ALG14: variants seen among roughly 807,000 people sequenced by gnomAD.
The protein encoded by ALG14 is UDP-N-acetylglucosamine transferase subunit ALG14.
A neutral mutation model predicts 22.8 loss-of-function variants in ALG14; 17 were observed. That is an observed-to-expected ratio of 0.75 (90% CI 0.51 to 1.12). The LOEUF is 1.12. ALG14 is among the 50% of genes most tolerant of loss of function. The pLI, the probability that ALG14 is intolerant of heterozygous loss-of-function variation, is 0.00. For synonymous variants in ALG14, 89 were observed against 103.7 expected (o/e 0.86, Z 0.86); for missense variants, 288 against 271.8 (o/e 1.06, Z -0.42).
rs543511791 is a variant in ALG14 at position 95,010,545 on chromosome 1, C to A, written c.420+16584G>T. Among the ~76,000 whole-genome samples the A allele has an allele frequency of 2.6e-5, 4 of 152,254 alleles. No individual in the cohort carries two copies. The East Asian group carries it at 7.7e-4, about 29-fold the overall frequency. ...GCCATCTTTATCATTGATATAGACA[C>A]AATCAAGTTGTCTATCAATGATAAA... is the stretch of plus-strand genomic sequence containing the variant. On this transcript the variant is annotated intron_variant, in intron 3 of 3. Coordinates refer to ENST00000370205, the MANE Select transcript of ALG14 (RefSeq NM_144988.4).
intron 1 of ALG14, among the ~76,000 whole-genome samples, chr1:95,066,639 A>G (rs982064091): frequency 3.3e-5 from 5 of 152,220 alleles, no homozygotes; most frequent in Admixed American, 6.5e-5. Context: ...AAAATCATAC[A>G]TTAGCTTTAT....
At chr1:94,997,697 C>T (rs1048958157) in intron 3 of ALG14, among the ~76,000 whole-genome samples, 48 of 152,156 alleles carry the variant, frequency 3.2e-4, no homozygotes, top group Non-Finnish European at 1.0e-4. Context: ...GGGGTTTTAG[C>T]GAGGATTAAG....
intron 3 of ALG14, among the ~76,000 whole-genome samples, chr1:95,002,403 C>A (rs939633946): frequency 6.2e-5 from 9 of 145,434 alleles, no homozygotes; most frequent in African/African-American, 1.8e-4. Context: ...GGAGGCTGAG[C>A]GGGTTGGGGA....
chr1:95,066,088 G>C (rs902789985), intron 1 of ALG14, among the ~76,000 whole-genome samples: 7 of 152,052 alleles, frequency 4.6e-5, no homozygotes, highest in Non-Finnish European at 1.0e-4. Context: ...CTTGCCTCTG[G>C]TCATGCTGCT....
At chr1:95,000,005 C>A (rs1309944598) in intron 3 of ALG14, among the ~76,000 whole-genome samples, 2 of 152,148 alleles carry the variant, frequency 1.3e-5, no homozygotes, top group Non-Finnish European at 1.5e-5. Context: ...TGCTACATGC[C>A]TTTTTCCTAA....
intron 1 of ALG14, among the ~76,000 whole-genome samples, chr1:95,071,037 G>A (rs546217789): frequency 2.0e-5 from 3 of 152,146 alleles, no homozygotes; most frequent in East Asian, 3.9e-4. Context: ...CATCACGCCC[G>A]GCCTAAACAC....
intron 3 of ALG14, among the ~76,000 whole-genome samples, chr1:95,020,948 A>C (rs1288050057): frequency 6.6e-6 from 1 of 152,212 alleles, no homozygotes; most frequent in Non-Finnish European, 1.5e-5. Context: ...ATTTCACTTC[A>C]ATTAAAGAAA....
intron 3 of ALG14, among the ~76,000 whole-genome samples, chr1:95,024,491 TG>T (rs1673756256): frequency 6.6e-6 from 1 of 152,330 alleles, no homozygotes; most frequent in Non-Finnish European, 1.5e-5. Context: ...ATCTAATACA[TG>T]TCTAAAGAAA....
At chr1:94,995,797 C>A (rs1672895071) in intron 3 of ALG14, among the ~76,000 whole-genome samples, 1 of 152,220 alleles carries the variant, frequency 6.6e-6, no homozygotes, top group Non-Finnish European at 1.5e-5. Context: ...ACGTCCTTCA[C>A]TGTCAGTGCA....
intron 3 of ALG14, among the ~76,000 whole-genome samples, chr1:94,988,640 C>G (rs1672697863): frequency 6.6e-6 from 1 of 152,076 alleles, no homozygotes; most frequent in African/African-American, 2.4e-5. Context: ...TCAGTGAGAA[C>G]AAACTGATAG....
intron 2 of ALG14, among the ~76,000 whole-genome samples, chr1:95,064,077 C>T (rs1039584550): frequency 6.6e-6 from 1 of 152,038 alleles, no homozygotes; most frequent in South Asian, 2.1e-4. Context: ...ATTTGGGTTT[C>T]GGCTTGCCTG....
intron 2 of ALG14, among the ~76,000 whole-genome samples, chr1:95,035,324 ACT>A (rs1321947011): frequency 1.3e-5 from 2 of 152,000 alleles, no homozygotes; most frequent in Non-Finnish European, 2.9e-5. Context: ...AAGAAGTAAG[ACT>A]CTTTCTTATT....
rs997318350 is a variant in ALG14 at position 94,975,235 on chromosome 1, T to C, written c.*7841A>G. On this transcript the variant is annotated 3_prime_UTR_variant, in exon 4 of 4. Coordinates refer to ENST00000370205, the MANE Select transcript of ALG14 (RefSeq NM_144988.4). ...GCCTACTCTGGACATTTCATATGAA[T>C]AGAATCATGCATTTGTTGTCTTTTG... 2.0e-5 allele frequency: 3 copies of C among 152,268 alleles called. No homozygotes were observed. The highest frequency in any genetic ancestry group is 2.0e-4 in the Admixed American group (3 of 15,290). 9.4% of individuals were successfully genotyped at this position (152,268 alleles called of 1,614,324 possible). A position where few individuals can be genotyped will look rare whatever the true frequency, so the allele number is the denominator to read the frequency against.
At chr1:95,033,560 C>A (rs2100783135) in intron 2 of ALG14, among the ~76,000 whole-genome samples, 1 of 151,796 alleles carries the variant, frequency 6.6e-6, no homozygotes, top group South Asian at 2.1e-4. Flanking sequence ...TATTTTCCAC[C>A]ACAATGGGCT....
At chr1:94,994,549 T>G (rs2100725504) in intron 3 of ALG14, among the ~76,000 whole-genome samples, 1 of 152,238 alleles carries the variant, frequency 6.6e-6, no homozygotes, top group Non-Finnish European at 1.5e-5. Context: ...CTCTGAGAGG[T>G]AGATGTTCTG....
At chr1:95,024,782 T>C (rs1673765076) in intron 3 of ALG14, among the ~76,000 whole-genome samples, 2 of 152,342 alleles carry the variant, frequency 1.3e-5, no homozygotes, top group African/African-American at 4.8e-5. Flanking sequence ...TTCAGTCACA[T>C]CTTCAGGCTC....
intron 3 of ALG14, among the ~76,000 whole-genome samples, chr1:95,018,739 T>C (rs1673577925): frequency 6.6e-6 from 1 of 152,072 alleles, no homozygotes; most frequent in African/African-American, 2.4e-5. Flanking sequence ...TTAATAGAAG[T>C]GACCAGTGGG....
At chr1:95,066,270 C>A (rs1389575949) in intron 1 of ALG14, among the ~76,000 whole-genome samples, 1 of 152,150 alleles carries the variant, frequency 6.6e-6, no homozygotes, top group African/African-American at 2.4e-5. Context: ...GTTGCCCAGG[C>A]TGGAATACAA....
At chr1:95,035,963 A>G (rs1674178273) in intron 2 of ALG14, 1 of 152,246 alleles carries the variant, frequency 6.6e-6, no homozygotes, top group South Asian at 2.1e-4. Context: ...CTATTTAAAA[A>G]TAATGCAATG....
Sources: gnomAD v4.1 joint callset for allele counts (sites outside exome capture counted in the v4.1 genomes callset) on GRCh38, gnomAD v4.1.1 for gene constraint, MANE v1.5 for transcripts, NCBI Gene and HGNC (gene_info 2026-07-23, HGNC 2026-07-21) for gene names.